PKIB: variants seen among roughly 807,000 people sequenced by gnomAD.
PKIB encodes cAMP-dependent protein kinase inhibitor beta.
PKIB carries 2 observed loss-of-function variants against 4.5 expected under a neutral mutation model. The observed-to-expected ratio is 0.44, with a 90% CI of 0.18 to 1.39. PKIB has a LOEUF of 1.39. Among genes scored for constraint, PKIB ranks in the 40% most tolerant of loss-of-function variants. The pLI is 0.27. For missense variants in PKIB, 94 were observed against 92.6 expected (o/e 1.02, Z -0.06); for synonymous variants, 38 against 36.0 (o/e 1.06, Z -0.20).
intron 2 of PKIB, among the ~76,000 whole-genome samples, chr6:122,560,975 A>C (rs997532657): frequency 6.6e-6 from 1 of 151,858 alleles, no homozygotes; most frequent in African/African-American, 2.4e-5. Flanking sequence ...AATTTTATTT[A>C]TCTTTTCAAA....
intron 2 of PKIB, among the ~76,000 whole-genome samples, chr6:122,562,812 T>C (rs1773072591): frequency 6.6e-6 from 1 of 152,142 alleles, no homozygotes; most frequent in South Asian, 2.1e-4. Context: ...GAATTTTTGA[T>C]TGTTTTTTTC....
chr6:122,665,027 C>T (rs1262460801), intron 2 of PKIB, among the ~76,000 whole-genome samples: 1 of 152,144 alleles, frequency 6.6e-6, no homozygotes, highest in African/African-American at 2.4e-5. Context: ...ACAGCCTGTA[C>T]AGCCTAATAC....
At chr6:122,624,760 T>C (rs981950291) in intron 1 of PKIB, among the ~76,000 whole-genome samples, 8 of 152,192 alleles carry the variant, frequency 5.3e-5, no homozygotes, top group African/African-American at 1.7e-4. Context: ...CTGGGACTTA[T>C]TAGCTGTGTG....
At chr6:122,526,914 G>A (rs1777107650) in intron 2 of PKIB, among the ~76,000 whole-genome samples, 2 of 152,068 alleles carry the variant, frequency 1.3e-5, no homozygotes, top group African/African-American at 4.8e-5. Flanking sequence ...TCCAATATAA[G>A]GTTGTTTTGT....
At chr6:122,543,355 CT>C (rs34068830) in intron 2 of PKIB, among the ~76,000 whole-genome samples, 2,097 of 138,736 alleles carry the variant, frequency 0.015, 20 homozygotes, top group South Asian at 0.018. Context: ...CCACCCCCTC[CT>C]TTTTTTTTTT....
intron 2 of PKIB, among the ~76,000 whole-genome samples, chr6:122,669,646 G>A (rs372655935): frequency 1.4e-4 from 21 of 151,982 alleles, no homozygotes; most frequent in East Asian, 9.7e-4. Flanking sequence ...TTTTGTCTGA[G>A]TTCCAGGCCC....
chr6:122,594,002 C>G (rs1298500433), intron 3 of PKIB, among the ~76,000 whole-genome samples: 1 of 152,142 alleles, frequency 6.6e-6, no homozygotes, highest in African/African-American at 2.4e-5. Context: ...AACCCATACA[C>G]ATCTCCTGAG....
chr6:122,708,975 C>T (rs1293987970), intron 3 of PKIB, among the ~76,000 whole-genome samples: 4 of 152,142 alleles, frequency 2.6e-5, no homozygotes, highest in Non-Finnish European at 5.9e-5. Flanking sequence ...CAGAGGCTGT[C>T]TCTAGAGCCA....
chr6:122,546,418 C>T lies in PKIB; in HGVS notation c.-247-39503C>T, dbSNP rs141522323. ...GGGGGCAGGTTGGGGGGTGGAGGTGCGGTTTGGAGCCACAGCTTAGTTTGC... is the reference window on the plus strand; with the variant it reads ...GGGGGCAGGTTGGGGGGTGGAGGTGTGGTTTGGAGCCACAGCTTAGTTTGC... On this transcript the variant is annotated intron_variant, in intron 2 of 6. Coordinates refer to the PKIB transcript ENST00000392491. Among the ~76,000 whole-genome samples, 251 of 151,936 alleles carry T rather than the reference C, an allele frequency of 1.7e-3. 1 individual carries two copies. Among genetic ancestry groups the T allele is most frequent in the Non-Finnish European group, 2.8e-3 (187 of 67,988 alleles).
chr6:122,557,036 A>G (rs1264545197), intron 2 of PKIB, among the ~76,000 whole-genome samples: 1 of 152,174 alleles, frequency 6.6e-6, no homozygotes, highest in African/African-American at 2.4e-5. Flanking sequence ...CAACATGGTA[A>G]AATCCTGTCT....
In PKIB at chr6:122,647,308, T is replaced by C. The variant is rs139749270; in HGVS notation, c.-76+13941T>C. ...TCACTTAAAGTCAATTGATTGCAGA[T>C]ATTAGTCACATTTATAAAATTCCTT... On this transcript the variant is annotated intron_variant, in intron 2 of 4. Coordinates refer to ENST00000368452, the MANE Select transcript of PKIB (RefSeq NM_181795.3). Among the ~76,000 whole-genome samples the C allele has an allele frequency of 7.2e-5, 11 of 152,342 alleles. No homozygotes were observed. In the East Asian group the frequency reaches 1.2e-3, roughly 16 times the overall value.
At chr6:122,650,569 T>G (rs893067588) in intron 2 of PKIB, among the ~76,000 whole-genome samples, 2 of 152,170 alleles carry the variant, frequency 1.3e-5, no homozygotes, top group Non-Finnish European at 2.9e-5. Context: ...GTTCACTGTG[T>G]AACCACATCA....
At chr6:122,708,643 C>T (rs1189246633) in intron 3 of PKIB, among the ~76,000 whole-genome samples, 1 of 152,062 alleles carries the variant, frequency 6.6e-6, no homozygotes, top group African/African-American at 2.4e-5. Context: ...GAGTTAATCT[C>T]TTTTTCTTGA....
intron 3 of PKIB, among the ~76,000 whole-genome samples, chr6:122,708,530 T>A (rs1779148427): frequency 6.6e-6 from 1 of 152,170 alleles, no homozygotes; most frequent in Admixed American, 6.5e-5. Flanking sequence ...ATGGTTCAGA[T>A]GTTGCAGAAA....
chr6:122,716,295 G>A (rs1779493927), intron 3 of PKIB, among the ~76,000 whole-genome samples: 1 of 152,152 alleles, frequency 6.6e-6, no homozygotes, highest in Admixed American at 6.5e-5. Context: ...GGGAGGAACT[G>A]TGACTCAGAG....
chr6:122,600,391 C>G (rs1245788357), intron 3 of PKIB, among the ~76,000 whole-genome samples: 1 of 152,160 alleles, frequency 6.6e-6, no homozygotes, highest in Non-Finnish European at 1.5e-5. Flanking sequence ...TAGTTTGTAT[C>G]CATCAATCCA....
chr6:122,646,838 T>C (rs1203695105), intron 2 of PKIB, among the ~76,000 whole-genome samples: 1 of 152,200 alleles, frequency 6.6e-6, no homozygotes, highest in Non-Finnish European at 1.5e-5. Context: ...TTCATAGAAA[T>C]ACTATATTTC....
rs986775769 is a variant in PKIB at position 122,678,479 on chromosome 6, CT to C, written c.-9+3343del. 3.9e-5 allele frequency among the ~76,000 whole-genome samples: 6 copies of C among 151,950 alleles called. No homozygotes were observed. In the South Asian group the frequency reaches 8.3e-4, roughly 21 times the overall value. On this transcript the variant is annotated intron_variant, in intron 3 of 4. Transcript: ENST00000368452. Reference sequence around the variant, plus strand: ...GCAGAGCCATCATCTTAGTTTGTTTCTTTTTTTTAATAGTTGCATCTTTCTG... The same window carrying C: ...GCAGAGCCATCATCTTAGTTTGTTTCTTTTTTTAATAGTTGCATCTTTCTG...
rs202212013 is a variant in PKIB, at chr6:122,719,716, TACACACACACACACACAC to T, written c.169+1789_169+1806del. ...AGATTGTGAGTGTTCCCACCACACA[TACACACACACACACACAC>T]ACACACACACACACACACACACACA... is the stretch of plus-strand genomic sequence containing the variant. On this transcript the variant is annotated intron_variant, in intron 4 of 4. Coordinates refer to ENST00000368452, the MANE Select transcript of PKIB (RefSeq NM_181795.3). Among the ~76,000 whole-genome samples the T allele has an allele frequency of 6.4e-3, 852 of 132,840 alleles. 3 individuals are homozygous for T. The highest frequency in any genetic ancestry group is 0.014 in the African/African-American group (556 of 39,458). 87.1% of individuals were successfully genotyped at this position (132,840 alleles called of 152,430 possible).
Sources: gnomAD v4.1 joint callset for allele counts (sites outside exome capture counted in the v4.1 genomes callset) on GRCh38, gnomAD v4.1.1 for gene constraint, MANE v1.5 for transcripts, NCBI Gene and HGNC (gene_info 2026-07-23, HGNC 2026-07-21) for gene names.